Variants in PHF24 observed in about 807,000 individuals in gnomAD.
PHF24 encodes the protein Galpha inhibitory interacting protein.
PHF24 carries 25 observed loss-of-function variants against 42.6 expected under a neutral mutation model. That is an observed-to-expected ratio of 0.59 (90% CI 0.43 to 0.82). The LOEUF (loss-of-function observed/expected upper bound fraction) is 0.82. PHF24 is among the 40% of genes least tolerant of loss of function. PHF24 has a pLI of 0.00. For synonymous variants in PHF24, 185 were observed against 204.8 expected (o/e 0.90, Z 0.83); for missense variants, 470 against 538.1 (o/e 0.87, Z 1.25).
chr9:34,888,218 T>G, the PHF24 span, among the ~76,000 whole-genome samples: 1 of 152,194 alleles, frequency 6.6e-6, no homozygotes, highest in Non-Finnish European at 1.5e-5. Context: ...AAAACTAGAT[T>G]AAGTGCCCTC....
the PHF24 span, among the ~76,000 whole-genome samples, chr9:34,817,376 C>T: frequency 0.54 from 82,110 of 151,874 alleles, 23,092 homozygotes; most frequent in Non-Finnish European, 0.62. Context: ...TCCCAAGTAG[C>T]TGGGACTACA....
the PHF24 span, among the ~76,000 whole-genome samples, chr9:34,779,273 A>G: frequency 6.6e-6 from 1 of 152,124 alleles, no homozygotes; most frequent in Non-Finnish European, 1.5e-5. Context: ...GAGAAAATAA[A>G]AGAATAGAGA....
At chr9:34,693,796 G>C in the PHF24 span, among the ~76,000 whole-genome samples, 5 of 152,196 alleles carry the variant, frequency 3.3e-5, no homozygotes, top group Non-Finnish European at 7.4e-5. Flanking sequence ...GTTTATCAGA[G>C]ATCTTTGTTT....
the PHF24 span, among the ~76,000 whole-genome samples, chr9:34,735,328 G>T: frequency 6.0e-5 from 9 of 149,950 alleles, no homozygotes; most frequent in African/African-American, 2.0e-4. Context: ...GTAGAGATGG[G>T]GTTTCACCAT....
the PHF24 span, among the ~76,000 whole-genome samples, chr9:34,737,672 C>G: frequency 6.0e-4 from 91 of 152,260 alleles, no homozygotes; most frequent in Non-Finnish European, 1.1e-3. Flanking sequence ...TATGACGAAC[C>G]CTAATTTTTA....
the PHF24 span, chr9:34,691,050 C>G: frequency 1.3e-6 from 2 of 1,543,132 alleles, no homozygotes; most frequent in Admixed American, 3.8e-5. Context: ...CCACTGCCAG[C>G]CCCCCACTGC....
chr9:34,936,013 C>T, the PHF24 span, among the ~76,000 whole-genome samples: 3 of 149,656 alleles, frequency 2.0e-5, no homozygotes, highest in Non-Finnish European at 3.0e-5. Context: ...AAAATTGAGT[C>T]TCCCTCTCCC....
At chr9:34,860,352 T>A in the PHF24 span, among the ~76,000 whole-genome samples, 1 of 152,242 alleles carries the variant, frequency 6.6e-6, no homozygotes, top group South Asian at 2.1e-4. Context: ...GTAAAATTGT[T>A]TTCCCATAGT....
the PHF24 span, chr9:34,838,346 C>A: frequency 1.3e-6 from 1 of 790,844 alleles, no homozygotes; most frequent in Non-Finnish European, 2.2e-6. Context: ...TAGTGTTGCC[C>A]TACCCAGCAG....
chr9:34,731,735 T>C, the PHF24 span, among the ~76,000 whole-genome samples: 1 of 152,268 alleles, frequency 6.6e-6, no homozygotes, highest in Non-Finnish European at 1.5e-5. Context: ...AAATCTTGGC[T>C]ATTGTGTAAA....
the PHF24 span, among the ~76,000 whole-genome samples, chr9:34,696,187 A>G: frequency 6.6e-6 from 1 of 152,106 alleles, no homozygotes; most frequent in Non-Finnish European, 1.5e-5. Context: ...GTAAAATTCC[A>G]ATAAAAAAGA....
intron 3 of PHF24, 63 bp from the exon 4 acceptor site, chr9:34,976,089 C>A (rs1827172921): frequency 2.7e-6 from 3 of 1,126,020 alleles, no homozygotes; most frequent in Admixed American, 1.7e-5. Context: ...TTTCTAGCCC[C>A]CTTGACCCTG....
chr9:34,727,938 C>A, the PHF24 span: 1 of 1,274,456 alleles, frequency 7.8e-7, no homozygotes, highest in African/African-American at 1.5e-5. Context: ...CATTATCTTT[C>A]TCCTTAGTCC....
chr9:34,914,823 T>A, the PHF24 span, among the ~76,000 whole-genome samples: 2 of 152,192 alleles, frequency 1.3e-5, no homozygotes, highest in Admixed American at 1.3e-4. Context: ...TCTTGCTCTG[T>A]CACCTAGGCT....
chr9:34,876,630 A>G, the PHF24 span, among the ~76,000 whole-genome samples: 1 of 152,288 alleles, frequency 6.6e-6, no homozygotes, highest in African/African-American at 2.4e-5. Context: ...CAACACCACA[A>G]TTATACACCA....
chr9:34,837,744 T>C, the PHF24 span: 4 of 1,277,334 alleles, frequency 3.1e-6, no homozygotes, highest in Non-Finnish European at 4.5e-6. Context: ...GACACCATTT[T>C]CTTTCTCATG....
At chr9:34,767,805 C>T in the PHF24 span, among the ~76,000 whole-genome samples, 4 of 152,384 alleles carry the variant, frequency 2.6e-5, no homozygotes, top group South Asian at 8.3e-4. Flanking sequence ...GTCGCTCACG[C>T]TGGGAGCTGT....
chr9:34,901,207 A>G, the PHF24 span, among the ~76,000 whole-genome samples: 1 of 152,240 alleles, frequency 6.6e-6, no homozygotes, highest in Non-Finnish European at 1.5e-5. Flanking sequence ...AATTCTTTCA[A>G]AAATTTAAAG....
chr9:34,767,491 C>G, the PHF24 span, among the ~76,000 whole-genome samples: 1 of 152,256 alleles, frequency 6.6e-6, no homozygotes, highest in African/African-American at 2.4e-5. Context: ...ACTCCGTGCG[C>G]GTAGGACCCT....
Sources: allele counts gnomAD v4.1 joint callset (sites outside exome capture counted in the v4.1 genomes callset), GRCh38; gene constraint gnomAD v4.1.1; transcripts MANE v1.5; gene names NCBI Gene and HGNC (gene_info 2026-07-23, HGNC 2026-07-21).